Variants in CCR5AS observed in about 807,000 individuals in gnomAD.
The protein encoded by CCR5AS is CCR5 antisense RNA.
intron 1 of CCR5AS, among the ~76,000 whole-genome samples, chr3:46,403,229 T>A (rs181128143): frequency 6.6e-6 from 1 of 152,336 alleles, no homozygotes. Context: ...CATGGTAGAA[T>A]GATTTATATT....
chr3:46,398,462 T>G (rs1309446736), intron 1 of CCR5AS, among the ~76,000 whole-genome samples: 1 of 152,192 alleles, frequency 6.6e-6, no homozygotes, highest in African/African-American at 2.4e-5. Flanking sequence ...GTATAACCCT[T>G]AAAGATTTGA....
intron 2 of CCR5AS, among the ~76,000 whole-genome samples, chr3:46,382,387 C>T (rs1391885287): frequency 7.2e-5 from 11 of 152,200 alleles, no homozygotes; most frequent in African/African-American, 2.2e-4. Flanking sequence ...TGCATTTTAC[C>T]GTGAAACTGG....
chr3:46,372,355 A>G (rs1267405988), intron 2 of CCR5AS, among the ~76,000 whole-genome samples: 1 of 152,088 alleles, frequency 6.6e-6, no homozygotes, highest in East Asian at 1.9e-4. Flanking sequence ...ACATAGTGTG[A>G]TCTTGTATCT....
chr3:46,382,269 A>C (rs1701823914), intron 2 of CCR5AS, among the ~76,000 whole-genome samples: 1 of 152,206 alleles, frequency 6.6e-6, no homozygotes, highest in Admixed American at 6.5e-5. Context: ...TTAGGGTGAG[A>C]TGGCCAGCTT....
At chr3:46,374,606 G>C (rs973649425) in intron 2 of CCR5AS, 1 of 167,172 alleles carries the variant, frequency 6.0e-6, no homozygotes, top group African/African-American at 2.4e-5. Flanking sequence ...AAAGACAGAA[G>C]CCTCACTGCA....
intron 1 of CCR5AS, among the ~76,000 whole-genome samples, chr3:46,394,445 ACT>A (rs1701942306): frequency 2.6e-5 from 4 of 151,772 alleles, no homozygotes; most frequent in Non-Finnish European, 5.9e-5. Flanking sequence ...GTCCACAAGC[ACT>A]CTCTCTTTCT....
chr3:46,403,112 G>A (rs113037619), intron 1 of CCR5AS, among the ~76,000 whole-genome samples: 9,135 of 152,218 alleles, frequency 0.06, 923 homozygotes, highest in African/African-American at 0.21. Flanking sequence ...TGGTGTATAT[G>A]TACCACACTT....
chr3:46,389,194 T>C (rs1477251271), intron 2 of CCR5AS, among the ~76,000 whole-genome samples: 5 of 152,172 alleles, frequency 3.3e-5, no homozygotes, highest in Non-Finnish European at 7.3e-5. Flanking sequence ...AGGGTTATTA[T>C]TGTTCTTCAG....
At chr3:46,382,286 G>A (rs764743619) in intron 2 of CCR5AS, among the ~76,000 whole-genome samples, 3 of 152,184 alleles carry the variant, frequency 2.0e-5, no homozygotes, top group Admixed American at 6.5e-5. Context: ...GCTTCTTCCC[G>A]TGCTATGTAA....
At chr3:46,371,734 TC>T (rs1411138605) in intron 2 of CCR5AS, among the ~76,000 whole-genome samples, 1 of 151,958 alleles carries the variant, frequency 6.6e-6, no homozygotes, top group Admixed American at 6.6e-5. Context: ...TTATATTATT[TC>T]TTGGGTATGT....
chr3:46,366,079 A>G (rs1701595720), intron 3 of CCR5AS, among the ~76,000 whole-genome samples: 1 of 152,184 alleles, frequency 6.6e-6, no homozygotes, highest in Admixed American at 6.5e-5. Context: ...CCACTTCTAC[A>G]ATCCATTCAT....
At chr3:46,375,442 C>CTGAGCAAAGCAT (rs1416941941) in intron 2 of CCR5AS, 1 of 167,008 alleles carries the variant, frequency 6.0e-6, no homozygotes, top group Non-Finnish European at 1.5e-5. Context: ...AGGGATAGCA[C>CTGAGCAAAGCAT]TGAGCAAAGC....
intron 2 of CCR5AS, among the ~76,000 whole-genome samples, chr3:46,379,747 A>G (rs1306259138): frequency 1.3e-5 from 2 of 151,992 alleles, no homozygotes; most frequent in African/African-American, 4.8e-5. Flanking sequence ...AATACAAAAA[A>G]TTAGCCAGAC....
intron 2 of CCR5AS, among the ~76,000 whole-genome samples, chr3:46,385,064 A>C (rs146378891): frequency 6.6e-6 from 1 of 152,270 alleles, no homozygotes; most frequent in Non-Finnish European, 1.5e-5. Context: ...TCTGCCCTCC[A>C]CTGGAGCAGA....
intron 1 of CCR5AS, among the ~76,000 whole-genome samples, chr3:46,406,704 C>T (rs756579172): frequency 1.2e-4 from 18 of 152,172 alleles, no homozygotes; most frequent in Non-Finnish European, 2.1e-4. Flanking sequence ...TTGCAAACCC[C>T]TTTGCTTTCC....
chr3:46,394,882 G>A (rs771826472), intron 1 of CCR5AS, among the ~76,000 whole-genome samples: 39 of 152,194 alleles, frequency 2.6e-4, no homozygotes, highest in Non-Finnish European at 4.1e-4. Context: ...CTTGCACACC[G>A]TGGGCACTGA....
At chr3:46,377,660 C>T (rs1048805450) in intron 2 of CCR5AS, among the ~76,000 whole-genome samples, 12 of 152,090 alleles carry the variant, frequency 7.9e-5, no homozygotes, top group African/African-American at 2.9e-4. Flanking sequence ...CCACCAACTA[C>T]CCTGGGGGCT....
chr3:46,386,450 G>A (rs1701863453), intron 2 of CCR5AS, among the ~76,000 whole-genome samples: 1 of 152,186 alleles, frequency 6.6e-6, no homozygotes, highest in African/African-American at 2.4e-5. Flanking sequence ...AAGTGACTCA[G>A]AGAAGGGGCA....
chr3:46,387,490 T>C (rs1344586271), intron 2 of CCR5AS, among the ~76,000 whole-genome samples: 1 of 152,196 alleles, frequency 6.6e-6, no homozygotes, highest in Non-Finnish European at 1.5e-5. Context: ...AATGAAGTAG[T>C]TCTCCCTCCA....
Sources: allele counts gnomAD v4.1 joint callset (sites outside exome capture counted in the v4.1 genomes callset), GRCh38; gene constraint gnomAD v4.1.1; transcripts MANE v1.5; gene names NCBI Gene and HGNC (gene_info 2026-07-23, HGNC 2026-07-21).